The following CXCL13 variants were observed in gnomAD, a reference collection of about 807,000 sequenced individuals.
CXCL13 encodes C-X-C motif chemokine ligand 13, also known as C-X-C motif chemokine 13.
Under a neutral mutation model 12.2 loss-of-function variants are expected in CXCL13, and 7 were observed. The ratio of observed to expected loss-of-function variants is 0.57; its 90% CI spans 0.33 to 1.07. CXCL13 has a LOEUF of 1.07. Ranked by LOEUF, CXCL13 falls within the 50% of genes least tolerant of loss-of-function variation. The probability of loss-of-function intolerance (pLI) is 0.04; values close to 1 mark genes in which losing one functional copy is unlikely to be tolerated. For synonymous variants in CXCL13, 47 were observed against 42.4 expected, an observed-to-expected ratio of 1.11 and a Z score of -0.42; for missense variants, 113 against 127.4, an observed-to-expected ratio of 0.89 and a Z score of 0.55.
intron 1 of CXCL13, among the ~76,000 whole-genome samples, chr4:77,537,508 A>G (rs1012865527): frequency 2.0e-5 from 3 of 152,210 alleles, no homozygotes; most frequent in Admixed American, 2.0e-4. Context: ...ATAGGTCTGG[A>G]GGGGCAATGG....
chr4:77,601,990 A>G (rs574246982), upstream of CXCL13, among the ~76,000 whole-genome samples: 13 of 152,248 alleles, frequency 8.5e-5, no homozygotes, highest in Non-Finnish European at 1.8e-4. Flanking sequence ...TCAGCAGGTT[A>G]AAACATGTGT....
At chr4:77,529,259 C>A (rs924943913) in intron 1 of CXCL13, among the ~76,000 whole-genome samples, 2 of 152,052 alleles carry the variant, frequency 1.3e-5, no homozygotes, top group Non-Finnish European at 2.9e-5. Flanking sequence ...CTTGGCAATG[C>A]AGGCTCTTTT....
At chr4:77,600,519 T>C (rs1726861893) in intron 1 of CXCL13, among the ~76,000 whole-genome samples, 1 of 152,194 alleles carries the variant, frequency 6.6e-6, no homozygotes, top group Non-Finnish European at 1.5e-5. Context: ...AAGTAGATGA[T>C]GACTTATTAT....
At chr4:77,537,919 A>G (rs1197958751) in intron 1 of CXCL13, among the ~76,000 whole-genome samples, 1 of 152,180 alleles carries the variant, frequency 6.6e-6, no homozygotes, top group East Asian at 1.9e-4. Context: ...TCCTGAAGCT[A>G]TTGCTTCAGA....
At chr4:77,545,245 C>T (rs909990908) in intron 1 of CXCL13, among the ~76,000 whole-genome samples, 1 of 152,056 alleles carries the variant, frequency 6.6e-6, no homozygotes, top group Non-Finnish European at 1.5e-5. Flanking sequence ...TTTTTGGTTC[C>T]ATATGAACTT....
intron 1 of CXCL13, among the ~76,000 whole-genome samples, chr4:77,536,830 GA>G (rs1483597467): frequency 2.0e-5 from 3 of 152,128 alleles, no homozygotes; most frequent in Non-Finnish European, 2.9e-5. Flanking sequence ...TATCAGGATA[GA>G]AAAAGGTTCA....
intron 1 of CXCL13, among the ~76,000 whole-genome samples, chr4:77,532,951 A>G (rs1260742003): frequency 6.6e-6 from 1 of 151,748 alleles, no homozygotes; most frequent in Admixed American, 6.6e-5. Context: ...ATTTTTTTTT[A>G]GGTTTTTAAC....
rs186873958 is a variant in CXCL13, at chr4:77,520,281, A to C, written c.-43+8493A>C. Among the ~76,000 whole-genome samples the C allele has an allele frequency of 2.8e-3, 428 of 152,328 alleles. 4 individuals carry two copies. The highest frequency in any genetic ancestry group is 0.01 in the African/African-American group (417 of 41,574). On this transcript the variant is annotated intron_variant, in intron 1 of 4. Transcript: ENST00000286758. ...TCATTGGTAGCTTGATGGGGATGGC[A>C]TTGAACCTATAAATTACCTTGGGCA...
intron 1 of CXCL13, among the ~76,000 whole-genome samples, chr4:77,529,839 T>A (rs1252841739): frequency 6.6e-6 from 1 of 152,176 alleles, no homozygotes; most frequent in African/African-American, 2.4e-5. Flanking sequence ...AGAGAGGGCA[T>A]CCCTGTCTTG....
At chr4:77,545,475 G>T (rs1054057831) in intron 1 of CXCL13, among the ~76,000 whole-genome samples, 25 of 152,022 alleles carry the variant, frequency 1.6e-4, no homozygotes, top group African/African-American at 4.8e-4. Context: ...CCCTTATAAG[G>T]TGGATTCCTA....
chr4:77,552,753 G>T (rs1725564906), intron 1 of CXCL13, among the ~76,000 whole-genome samples: 1 of 152,242 alleles, frequency 6.6e-6, no homozygotes. Flanking sequence ...CTCTGCATGG[G>T]GATGGCGATG....
At chr4:77,543,392 G>A (rs1161856180) in intron 1 of CXCL13, among the ~76,000 whole-genome samples, 1 of 151,886 alleles carries the variant, frequency 6.6e-6, no homozygotes, top group African/African-American at 2.4e-5. Context: ...CTTTTCTTCT[G>A]CTAGCTTTGG....
intron 1 of CXCL13, among the ~76,000 whole-genome samples, chr4:77,595,943 C>T (rs1411028518): frequency 2.6e-5 from 4 of 152,180 alleles, no homozygotes; most frequent in African/African-American, 9.7e-5. Context: ...CACATAGAGG[C>T]TCCTCAATTT....
At chr4:77,549,750 T>C (rs559349292) in intron 1 of CXCL13, among the ~76,000 whole-genome samples, 2 of 152,300 alleles carry the variant, frequency 1.3e-5, no homozygotes, top group South Asian at 4.1e-4. Flanking sequence ...GAGGTGTCAG[T>C]CAGTCCCTAC....
At chr4:77,550,747 T>C (rs1725497529) in intron 1 of CXCL13, among the ~76,000 whole-genome samples, 1 of 152,204 alleles carries the variant, frequency 6.6e-6, no homozygotes, top group African/African-American at 2.4e-5. Context: ...TGTCTATGTC[T>C]AAGTCTTTTC....
At chr4:77,600,609 C>T (rs1196650531) in intron 1 of CXCL13, among the ~76,000 whole-genome samples, 1 of 152,164 alleles carries the variant, frequency 6.6e-6, no homozygotes, top group Non-Finnish European at 1.5e-5. Context: ...GAGTATTTTG[C>T]TAATGCTCAC....
chr4:77,547,320 G>C (rs970099836), intron 1 of CXCL13, among the ~76,000 whole-genome samples: 9 of 152,188 alleles, frequency 5.9e-5, no homozygotes, highest in Non-Finnish European at 1.3e-4. Context: ...GTCTAATGTT[G>C]ACAGTGGGGT....
At chr4:77,554,786 T>C (rs1174929350) in intron 1 of CXCL13, among the ~76,000 whole-genome samples, 1 of 152,036 alleles carries the variant, frequency 6.6e-6, no homozygotes, top group Non-Finnish European at 1.5e-5. Flanking sequence ...TAATAACAGA[T>C]ATTGAAAAAT....
intron 1 of CXCL13, among the ~76,000 whole-genome samples, chr4:77,587,550 C>A (rs1003744811): frequency 5.9e-5 from 9 of 152,142 alleles, no homozygotes; most frequent in African/African-American, 1.9e-4. Flanking sequence ...TAATTGGATC[C>A]TTCACAAAAA....
Sources: allele counts gnomAD v4.1 joint callset (sites outside exome capture counted in the v4.1 genomes callset), GRCh38; gene constraint gnomAD v4.1.1; transcripts MANE v1.5; gene names NCBI Gene and HGNC (gene_info 2026-07-23, HGNC 2026-07-21).